Variants in UBA2 observed in about 807,000 individuals in gnomAD.
The protein encoded by UBA2 is ubiquitin like modifier activating enzyme 2.
A neutral mutation model predicts 77.2 loss-of-function variants in UBA2; 11 were observed. The observed-to-expected ratio is 0.14, with a 90% CI of 0.09 to 0.24. The LOEUF is 0.24. UBA2 is among the 10% of genes least tolerant of loss of function. UBA2 has a pLI of 1.00. For missense variants in UBA2, 487 were observed against 781.7 expected, an observed-to-expected ratio of 0.62 and a Z score of 4.50; for synonymous variants, 278 against 276.7, an observed-to-expected ratio of 1.00 and a Z score of -0.05.
At chr19:34,463,574 GGATTGATT>G (rs35095058) in intron 14 of UBA2, among the ~76,000 whole-genome samples, 3 of 151,200 alleles carry the variant, frequency 2.0e-5, no homozygotes, top group East Asian at 2.0e-4. Context: ...CCAGATTTTG[GGATTGATT>G]GATTGATTGA....
At chr19:34,468,205 ATGTC>A in intron 16 of UBA2, among the ~76,000 whole-genome samples, 1 of 152,100 alleles carries the variant, frequency 6.6e-6, no homozygotes, top group South Asian at 2.1e-4. Flanking sequence ...CTTTGACCCT[ATGTC>A]TGTGGCATTC....
At chr19:34,429,186 C>G (rs1005995505) in intron 1 of UBA2, 56 of 985,240 alleles carry the variant, frequency 5.7e-5, no homozygotes, top group Middle Eastern at 1.0e-3. Flanking sequence ...GCAGGGCTCC[C>G]GCAGGCTGCG....
At chr19:34,435,925 A>G (rs759441108) in intron 5 of UBA2, among the ~76,000 whole-genome samples, 1 of 152,000 alleles carries the variant, frequency 6.6e-6, no homozygotes, top group Non-Finnish European at 1.5e-5. Flanking sequence ...TTTTGAGACC[A>G]GCCTGTCCAA....
intron 2 of UBA2, among the ~76,000 whole-genome samples, chr19:34,431,588 A>G (rs999203548): frequency 4.6e-5 from 7 of 152,142 alleles, no homozygotes; most frequent in African/African-American, 1.7e-4. Flanking sequence ...TGGTTACTTC[A>G]TGTTGTATTT....
In UBA2 at chr19:34,469,205, T is replaced by A. The variant is rs758763355; in HGVS notation, c.1907T>A (p.Val636Asp). ...RIEQKEELDD[V>D]IALD ...GAACAGAAGGAAGAGCTTGATGATGTCATAGCATTAGATTGAACAGAAATG... is the reference window on the plus strand; with the variant it reads ...GAACAGAAGGAAGAGCTTGATGATGACATAGCATTAGATTGAACAGAAATG... Residue 636 changes from valine to aspartate, a missense_variant, in exon 17 of 17, where the codon GTC (valine) becomes GAC (aspartate). Transcript: ENST00000246548. 1.6e-5 allele frequency: 25 copies of A among 1,597,076 alleles called. No homozygotes were observed. The highest frequency in any genetic ancestry group is 2.0e-5 in the Non-Finnish European group (24 of 1,174,792).
In UBA2 at chr19:34,445,009, C is replaced by G; in HGVS notation, c.659C>G (p.Thr220Arg). 6.2e-7 allele frequency: 1 copy of G among 1,611,196 alleles called. No individual in the cohort carries two copies. Among genetic ancestry groups the G allele is most frequent in the East Asian group, 2.2e-5 (1 of 44,778 alleles). The change falls in exon 8 of 17, where the codon ACG becomes AGG. Residue 220 changes from threonine (T) to arginine (R), a missense_variant. Around this residue, in one of 9 missense-constraint regions of UBA2, gnomAD observed 300 missense variants for 454.3 expected, o/e 0.66. Coordinates refer to ENST00000246548, the MANE Select transcript of UBA2 (RefSeq NM_005499.3). The part of the protein sequence containing the change: ...RADPEAAWEP[T>R]EAEARARASN... ...AATGATCGTTTTATAGGGGAACCAA[C>G]GGAAGCCGAAGCCAGAGCTAGAGCA... is the stretch of plus-strand genomic sequence containing the variant.
chr19:34,459,176 C>G (rs2075604703), intron 13 of UBA2, among the ~76,000 whole-genome samples: 2 of 152,112 alleles, frequency 1.3e-5, no homozygotes, highest in African/African-American at 4.8e-5. Context: ...AGTATCACAG[C>G]AAGCAGAGGA....
At chr19:34,435,145 C>G (rs2075294989) in intron 5 of UBA2, among the ~76,000 whole-genome samples, 177 bp downstream of exon 5, 1 of 152,198 alleles carries the variant, frequency 6.6e-6, no homozygotes, top group African/African-American at 2.4e-5. Context: ...TACCTGTAAT[C>G]CCAGCACTTC....
At chr19:34,453,007 G>A (rs967495745) in intron 10 of UBA2, among the ~76,000 whole-genome samples, 2 of 152,150 alleles carry the variant, frequency 1.3e-5, no homozygotes, top group African/African-American at 2.4e-5. Flanking sequence ...GTGCACAGAG[G>A]CTAAATAAAG....
intron 2 of UBA2, 31 bp from the exon 3 acceptor site, chr19:34,431,830 T>C: frequency 6.3e-7 from 1 of 1,588,328 alleles, no homozygotes; most frequent in Non-Finnish European, 8.6e-7. Flanking sequence ...ACAGAAATAT[T>C]GTAGTAATTC....
intron 8 of UBA2, among the ~76,000 whole-genome samples, chr19:34,449,792 G>T (rs1047277260): frequency 6.6e-6 from 1 of 152,168 alleles, no homozygotes; most frequent in Non-Finnish European, 1.5e-5. Context: ...CAGAAGTTCT[G>T]TTGTGAAGCA....
In UBA2 at chr19:34,428,590, G is replaced by A. The variant is rs377672190; in HGVS notation, c.138+20G>A. 38 of 1,305,720 alleles carry A rather than the reference G, an allele frequency of 2.9e-5. No individual in the cohort carries two copies. Among genetic ancestry groups the A allele is most frequent in the African/African-American group, 4.5e-5 (3 of 66,154 alleles). The allele number at this position is 1,305,720 out of a possible 1,614,324, so 80.9% of individuals were successfully genotyped here. ...GACCTGGTGAGGGCCGGGCGCGCGC[G>A]CGTGAATGGCGGGCTGTGGTGCGGG... On this transcript the variant is annotated intron_variant, in intron 1 of 16. Coordinates refer to ENST00000246548, the MANE Select transcript of UBA2 (RefSeq NM_005499.3).
intron 7 of UBA2, 122 bp downstream of exon 7, chr19:34,444,033 GTTTTTTTTTTGTTTTTTT>G (rs1394019268): frequency 1.3e-4 from 27 of 203,102 alleles, no homozygotes; most frequent in Non-Finnish European, 2.2e-4. Context: ...TTTAACATGT[GTTTTTTTTTTGTTTTTTT>G]TTTTTTTTTT....
chr19:34,450,479 CA>C (rs2075481020), intron 9 of UBA2, 115 bp downstream of exon 9: 12 of 623,424 alleles, frequency 1.9e-5, no homozygotes, highest in Middle Eastern at 2.6e-4. Flanking sequence ...TCAAACAGTG[CA>C]AAAAAATATG....
At chr19:34,457,179 A>AAAATATATATATAT (rs1262007864) in intron 12 of UBA2, among the ~76,000 whole-genome samples, 16 of 53,218 alleles carry the variant, frequency 3.0e-4, no homozygotes, top group African/African-American at 1.6e-3. Context: ...AAAAAAAAAA[A>AAAATATATATATAT]ATATATATAT....
intron 12 of UBA2, among the ~76,000 whole-genome samples, chr19:34,454,828 GT>G: frequency 6.6e-6 from 1 of 152,234 alleles, no homozygotes; most frequent in East Asian, 1.9e-4. Flanking sequence ...CTAAGAAGAT[GT>G]TTCAACTGTT....
chr19:34,455,119 C>T (rs532111536), intron 12 of UBA2, among the ~76,000 whole-genome samples: 2 of 152,226 alleles, frequency 1.3e-5, no homozygotes, highest in Admixed American at 6.5e-5. Flanking sequence ...CTTCAAAGAG[C>T]ATTTGTGGTT....
At chr19:34,457,597 A>T (rs2075582482) in intron 12 of UBA2, among the ~76,000 whole-genome samples, 2 of 152,136 alleles carry the variant, frequency 1.3e-5, no homozygotes, top group Non-Finnish European at 2.9e-5. Flanking sequence ...ACCTACCAGT[A>T]TTCATTGTAC....
intron 15 of UBA2, among the ~76,000 whole-genome samples, chr19:34,465,074 C>G (rs899206661): frequency 7.2e-5 from 11 of 152,274 alleles, no homozygotes; most frequent in African/African-American, 2.6e-4. Context: ...ATTCCTGAGT[C>G]TATAGCACAG....
Sources: allele counts gnomAD v4.1 joint callset (sites outside exome capture counted in the v4.1 genomes callset), GRCh38; gene constraint gnomAD v4.1.1; regional missense constraint gnomAD v4.1.1; transcripts MANE v1.5; gene names NCBI Gene and HGNC (gene_info 2026-07-23, HGNC 2026-07-21).